Variants in GRID2 observed in about 807,000 individuals in gnomAD.
GRID2 encodes glutamate receptor ionotropic, delta-2.
GRID2 carries 33 observed loss-of-function variants against 114.8 expected under a neutral mutation model. That is an observed-to-expected ratio of 0.29 (90% confidence interval 0.22 to 0.38). The LOEUF is 0.38. Among genes scored for constraint, GRID2 ranks in the 10% least tolerant of loss-of-function variants. The pLI is 1.00. For synonymous variants in GRID2, 505 were observed against 449.9 expected (o/e 1.12, Z -1.55); for missense variants, 1,184 against 1,257.7 (o/e 0.94, Z 0.89).
intron 2 of GRID2, among the ~76,000 whole-genome samples, chr4:93,079,852 T>C (rs183770282): frequency 4.6e-5 from 7 of 152,292 alleles, no homozygotes; most frequent in Non-Finnish European, 8.8e-5. Flanking sequence ...GTTCATTTGA[T>C]GGCTGGTGAT....
rs1337449998 is a variant in GRID2, at chr4:92,482,444, A to G, written c.89-107687A>G. On this transcript the variant is annotated intron_variant, in intron 1 of 15. Coordinates refer to ENST00000282020, the MANE Select transcript of GRID2 (RefSeq NM_001510.4). ...TCACCTGTACCCCTGCATCTAACTTAAAAGTTAAATTAAAAAATATAAAAT... is the reference window on the plus strand; with the variant it reads ...TCACCTGTACCCCTGCATCTAACTTGAAAGTTAAATTAAAAAATATAAAAT... Among the ~76,000 whole-genome samples the G allele has an allele frequency of 2.0e-5, 3 of 152,228 alleles. No homozygotes were observed. The East Asian group carries it at 5.8e-4, about 30-fold the overall frequency.
chr4:93,216,827 C>T lies in GRID2; in HGVS notation c.879C>T (p.Asn293=), dbSNP rs923419360. The change falls in exon 6 of 16, where the codon AAC becomes AAT. Residue 293 remains asparagine (N), a synonymous_variant. Coordinates refer to ENST00000282020, the MANE Select transcript of GRID2 (RefSeq NM_001510.4). Reference sequence around the variant, plus strand: ...GGCAGACATTTCCAGTTCCCCAGAACATAAGTCAGCGGTGTTTCCGTGGCA... The same window carrying T: ...GGCAGACATTTCCAGTTCCCCAGAATATAAGTCAGCGGTGTTTCCGTGGCA... ...IIRQTFPVPQ[N]ISQRCFRGNH... is the part of the protein sequence containing the mutation. 3.7e-6 allele frequency: 6 copies of T among 1,612,428 alleles called. No individual in the cohort carries two copies. In the African/African-American group the frequency reaches 6.7e-5, roughly 18 times the overall value.
At chr4:93,072,965 A>G (rs1397344561) in intron 2 of GRID2, among the ~76,000 whole-genome samples, 1 of 152,204 alleles carries the variant, frequency 6.6e-6, no homozygotes, top group East Asian at 1.9e-4. Flanking sequence ...ATATTGTACT[A>G]CTGTGATAAT....
chr4:93,292,598 A>C (rs1372893558), intron 8 of GRID2, among the ~76,000 whole-genome samples: 2 of 152,222 alleles, frequency 1.3e-5, no homozygotes, highest in Non-Finnish European at 2.9e-5. Context: ...TTTGCTGTTC[A>C]AACAAAAAAT....
At chr4:92,494,848 A>AT (rs538823966) in intron 1 of GRID2, among the ~76,000 whole-genome samples, 49 of 152,148 alleles carry the variant, frequency 3.2e-4, no homozygotes, top group Non-Finnish European at 6.3e-4. Context: ...GGTTTTTGCC[A>AT]TTTTTAATAA....
At chr4:93,589,919 ATTTGT>A (rs1297831338) in intron 13 of GRID2, among the ~76,000 whole-genome samples, 1 of 150,392 alleles carries the variant, frequency 6.6e-6, no homozygotes, top group Non-Finnish European at 1.5e-5. Context: ...GTTCTTGTAA[ATTTGT>A]TTGAGTTCAT....
intron 14 of GRID2, among the ~76,000 whole-genome samples, chr4:93,766,242 G>A (rs1028416672): frequency 6.6e-6 from 1 of 152,156 alleles, no homozygotes; most frequent in Admixed American, 6.5e-5. Flanking sequence ...ACCCAAGACT[G>A]GGTAGTTTAT....
At chr4:93,720,505 G>T (rs922459701) in intron 14 of GRID2, among the ~76,000 whole-genome samples, 1 of 152,098 alleles carries the variant, frequency 6.6e-6, no homozygotes, top group African/African-American at 2.4e-5. Flanking sequence ...TAATAGAAAA[G>T]AAAATGGTCA....
chr4:93,020,673 A>G (rs1049471839), intron 2 of GRID2, among the ~76,000 whole-genome samples: 6 of 152,186 alleles, frequency 3.9e-5, no homozygotes, highest in African/African-American at 1.4e-4. Context: ...CTTAAGAAAT[A>G]AAAGACTTGT....
In GRID2 at chr4:93,042,661, A is replaced by C. The variant is rs777205531; in HGVS notation, c.245-42334A>C. On this transcript the variant is annotated intron_variant, in intron 2 of 15. Coordinates refer to ENST00000282020, the MANE Select transcript of GRID2 (RefSeq NM_001510.4). ...TATATATTTCTATCTCTATATTTCTATCTCTCTCTCTATATATCTATATAT... is the reference window on the plus strand; with the variant it reads ...TATATATTTCTATCTCTATATTTCTCTCTCTCTCTCTATATATCTATATAT... Among the ~76,000 whole-genome samples, 14 of 142,206 alleles carry C rather than the reference A, an allele frequency of 9.8e-5. No individual in the cohort carries two copies. In the South Asian group the frequency reaches 1.3e-3, roughly 14 times the overall value. The allele number at this position is 142,206 out of a possible 152,430, so 93.3% of individuals were successfully genotyped here.
intron 1 of GRID2, among the ~76,000 whole-genome samples, chr4:93,796,535 TTTTG>T (rs138592743): frequency 0.24 from 35,784 of 150,772 alleles, 4,470 homozygotes; most frequent in Middle Eastern, 0.35. Flanking sequence ...AATGTACTTC[TTTTG>T]TTTGTTTGTT....
chr4:93,276,531 T>G (rs148797681), intron 8 of GRID2, among the ~76,000 whole-genome samples: 80 of 152,164 alleles, frequency 5.3e-4, no homozygotes, highest in African/African-American at 1.8e-3. Context: ...GGAAGCACTG[T>G]CATTTAAACA....
chr4:93,038,765 T>G (rs1197170212), intron 2 of GRID2, among the ~76,000 whole-genome samples: 1 of 151,398 alleles, frequency 6.6e-6, no homozygotes, highest in East Asian at 2.0e-4. Flanking sequence ...CACTCCAGCC[T>G]GGGTGACAGA....
chr4:92,629,768 T>C (rs1261629879), intron 2 of GRID2, among the ~76,000 whole-genome samples: 1 of 149,390 alleles, frequency 6.7e-6, no homozygotes, highest in South Asian at 2.1e-4. Flanking sequence ...TATTTTAAAA[T>C]ATGTTTTTTC....
chr4:92,870,178 G>A (rs796095265), intron 2 of GRID2, among the ~76,000 whole-genome samples: 5 of 151,944 alleles, frequency 3.3e-5, no homozygotes, highest in African/African-American at 1.2e-4. Flanking sequence ...TCCAGCATGG[G>A]TGACAGAGTG....
intron 2 of GRID2, among the ~76,000 whole-genome samples, chr4:92,660,096 A>G (rs1233096151): frequency 6.6e-6 from 1 of 151,380 alleles, no homozygotes; most frequent in Non-Finnish European, 1.5e-5. Flanking sequence ...CCCCATTCAT[A>G]CTGAAAATTC....
At chr4:92,979,225 T>C (rs755608397) in intron 2 of GRID2, among the ~76,000 whole-genome samples, 32 of 152,008 alleles carry the variant, frequency 2.1e-4, no homozygotes, top group South Asian at 4.1e-4. Flanking sequence ...TATTATATGC[T>C]GAAAAGGTAA....
chr4:93,321,233 T>G (rs138299148), intron 8 of GRID2, among the ~76,000 whole-genome samples: 30 of 152,158 alleles, frequency 2.0e-4, no homozygotes, highest in Non-Finnish European at 3.8e-4. Context: ...TGGTCAGGAC[T>G]GCACATCACA....
At chr4:92,976,819 C>T (rs1293185548) in intron 2 of GRID2, among the ~76,000 whole-genome samples, 12 of 152,088 alleles carry the variant, frequency 7.9e-5, no homozygotes, top group Non-Finnish European at 1.8e-4. Context: ...GAATATTTTA[C>T]AGCAAATAAG....
Sources: gnomAD v4.1 joint callset for allele counts (sites outside exome capture counted in the v4.1 genomes callset) on GRCh38, gnomAD v4.1.1 for gene constraint, MANE v1.5 for transcripts, NCBI Gene and HGNC (gene_info 2026-07-23, HGNC 2026-07-21) for gene names.